Variants in ABCB4 observed in about 807,000 individuals in gnomAD.
ABCB4 encodes ATP binding cassette subfamily B member 4, also known as phosphatidylcholine translocator ABCB4.
ABCB4 carries 76 observed loss-of-function variants against 145.7 expected under a neutral mutation model. The observed-to-expected ratio is 0.52, with a 90% CI of 0.43 to 0.63. ABCB4 has a LOEUF of 0.63. Ranked by LOEUF, ABCB4 falls within the 30% of genes least tolerant of loss-of-function variation. ABCB4 has a pLI of 0.00. For missense variants in ABCB4, 1,234 were observed against 1,553.1 expected (o/e 0.79, Z 3.45); for synonymous variants, 517 against 566.8 (o/e 0.91, Z 1.25).
chr7:87,411,558 G>A (rs1246193793), intron 23 of ABCB4, among the ~76,000 whole-genome samples: 1 of 152,092 alleles, frequency 6.6e-6, no homozygotes, highest in African/African-American at 2.4e-5. Flanking sequence ...ACCCTGTTTT[G>A]AGTCCATGGT....
the ABCB4 span, chr7:87,369,686 G>A: frequency 4.1e-6 from 1 of 244,012 alleles, no homozygotes; most frequent in African/African-American, 2.3e-5. Context: ...ATGTTCACTT[G>A]GAGAAAAGGA....
the ABCB4 span, chr7:87,375,403 CTAAATTTATTTACTGAAA>C: frequency 4.5e-6 from 2 of 448,182 alleles, no homozygotes; most frequent in East Asian, 3.8e-5. Context: ...TAGCCAATAA[CTAAATTTATTTACTGAAA>C]TTAAATTATT....
rs182365784 is a variant in ABCB4, at chr7:87,475,324, G to A, written c.80+62C>T. On this transcript the variant is annotated intron_variant, in intron 2 of 27. Transcript: ENST00000649586. ...ACCGATTTTTACAACTTCTTTCCAA[G>A]GGTGAACTTAGTCCTGCTGATTGGC... 3.9e-5 allele frequency: 62 copies of A among 1,592,474 alleles called. No individual in the cohort carries two copies. The African/African-American group carries it at 7.8e-4, about 20-fold the overall frequency.
chr7:87,417,315 T>G lies in ABCB4; in HGVS notation c.2679A>C (p.Gly893=). 1 of 1,614,024 alleles carries G rather than the reference T, an allele frequency of 6.2e-7. No homozygotes were observed. Among genetic ancestry groups the G allele is most frequent in the Non-Finnish European group, 8.5e-7 (1 of 1,179,954 alleles). Residue 893 remains glycine (G), a synonymous_variant, in exon 21 of 28, where the codon GGA becomes GGC. Transcript: ENST00000649586. ...ATTGAAATCTTATTTGACCTACCTTTCCAGCAGCTTCCAGTTCTTTTTTAT... is the reference window on the plus strand; with the variant it reads ...ATTGAAATCTTATTTGACCTACCTTGCCAGCAGCTTCCAGTTCTTTTTTAT... ...KRDKKELEAA[G]KIATEAIENI... is the part of the protein sequence containing the mutation.
At chr7:87,368,361 G>T in the ABCB4 span, among the ~76,000 whole-genome samples, 1 of 152,092 alleles carries the variant, frequency 6.6e-6, no homozygotes, top group Non-Finnish European at 1.5e-5. Context: ...TTTGAAAGGG[G>T]TGTGGTCAGG....
At chr7:87,412,864 A>G (rs1387124615) in intron 22 of ABCB4, among the ~76,000 whole-genome samples, 1 of 152,204 alleles carries the variant, frequency 6.6e-6, no homozygotes, top group Non-Finnish European at 1.5e-5. Context: ...AATGGTGCAT[A>G]CATGTTTTAT....
At chr7:87,389,643 G>T in the ABCB4 span, among the ~76,000 whole-genome samples, 3 of 152,046 alleles carry the variant, frequency 2.0e-5, no homozygotes, top group African/African-American at 7.2e-5. Context: ...GCTAGGGGAG[G>T]GATAGCATTA....
At chr7:87,418,395 C>T in intron 20 of ABCB4, 142 bp downstream of exon 20, 1 of 798,048 alleles carries the variant, frequency 1.3e-6, no homozygotes, top group South Asian at 1.5e-5. Context: ...GAAGTTTAAT[C>T]TTCTGCTTAT....
rs775186230 is a variant in ABCB4 at position 87,426,883 on chromosome 7, A to T, written c.1931T>A (p.Leu644Gln). The part of the protein sequence containing the change: ...GSQIQSEEFE[L>Q]NDEKAATRMA... ...TCTAGTGGCAGCCTTTTCATCATTT[A>T]GTTCAAATTCTTCTGACTGGATCTG... Residue 644 changes from leucine to glutamine, a missense_variant, in exon 16 of 28, where the codon CTA becomes CAA. Leu to Gln is a moderately radical substitution (Grantham distance 113). Transcript: ENST00000649586. The T allele has an allele frequency of 1.2e-6, 2 of 1,613,706 alleles. No individual in the cohort carries two copies. The highest frequency in any genetic ancestry group is 2.2e-5 in the South Asian group (2 of 91,068).
At chr7:87,379,368 G>A in the ABCB4 span, among the ~76,000 whole-genome samples, 1 of 152,066 alleles carries the variant, frequency 6.6e-6, no homozygotes, top group Admixed American at 6.6e-5. Flanking sequence ...TCTCATTTGA[G>A]AGTTGTGTTT....
In ABCB4 at chr7:87,419,791, AAAAAACAAAAAC is replaced by A. The variant is rs1270814295; in HGVS notation, c.2394+195_2394+206del. ...CCCAAATAAAGCCTATTTCTATGAAAAAAAACAAAAACAAAAAAAAAACAAAAAAAACATGAG... is the reference window on the plus strand; with the variant it reads ...CCCAAATAAAGCCTATTTCTATGAAAAAAAAAAAAACAAAAAAAACATGAG... On this transcript the variant is annotated intron_variant, in intron 19 of 27. Coordinates refer to ENST00000649586, the MANE Select transcript of ABCB4 (RefSeq NM_000443.4). Among the ~76,000 whole-genome samples the A allele has an allele frequency of 1.9e-3, 139 of 72,134 alleles. 2 individuals are homozygous for A. Among genetic ancestry groups the A allele is most frequent in the Middle Eastern group, 0.015 (2 of 136 alleles). The allele number at this position is 72,134 out of a possible 152,430, so 47.3% of individuals were successfully genotyped here. A position where few individuals can be genotyped will look rare whatever the true frequency, so the allele number is the denominator to read the frequency against.
At chr7:87,405,803 C>T (rs1808144819) in intron 26 of ABCB4, 1 of 199,872 alleles carries the variant, frequency 5.0e-6, no homozygotes, top group Admixed American at 5.4e-5. Context: ...CAAATGAATG[C>T]AAGTAAAACA....
intron 16 of ABCB4, 132 bp from the exon 17 acceptor site, chr7:87,424,184 T>C: frequency 1.0e-6 from 1 of 1,004,132 alleles, no homozygotes; most frequent in Non-Finnish European, 1.6e-6. Context: ...AGCAAACTAC[T>C]AGAGAGTAGG....
the ABCB4 span, among the ~76,000 whole-genome samples, chr7:87,388,550 T>C: frequency 6.6e-6 from 1 of 152,170 alleles, no homozygotes; most frequent in African/African-American, 2.4e-5. Flanking sequence ...TAATAAACGA[T>C]GTTGGGAAAA....
chr7:87,394,315 T>C, the ABCB4 span, among the ~76,000 whole-genome samples: 1 of 152,192 alleles, frequency 6.6e-6, no homozygotes, highest in East Asian at 1.9e-4. Context: ...CAAAAAGTGA[T>C]CTTTCGTGGT....
chr7:87,382,116 A>C, the ABCB4 span: 1 of 1,613,606 alleles, frequency 6.2e-7, no homozygotes, highest in Non-Finnish European at 8.5e-7. Context: ...AGAAGAGCTC[A>C]TTTTCATTGT....
chr7:87,458,095 T>C lies in ABCB4; in HGVS notation c.287-3503A>G, dbSNP rs1812217474. Among the ~76,000 whole-genome samples, 5 of 152,328 alleles carry C rather than the reference T, an allele frequency of 3.3e-5. No individual in the cohort carries two copies. In the South Asian group the frequency reaches 1.0e-3, roughly 32 times the overall value. On this transcript the variant is annotated intron_variant, in intron 4 of 27. Coordinates refer to ENST00000649586, the MANE Select transcript of ABCB4 (RefSeq NM_000443.4). ...GGCACTATGGACAGTTATGAAGATATCTTGGGGGCTCAAAATGGCATTTTT... is the reference window on the plus strand; with the variant it reads ...GGCACTATGGACAGTTATGAAGATACCTTGGGGGCTCAAAATGGCATTTTT...
intron 15 of ABCB4, among the ~76,000 whole-genome samples, chr7:87,428,980 A>G (rs981713066): frequency 6.6e-6 from 1 of 152,260 alleles, no homozygotes; most frequent in Non-Finnish European, 1.5e-5. Flanking sequence ...ATTAAGATAC[A>G]TTTAAAAGAA....
chr7:87,458,606 T>A (rs1003424036), intron 4 of ABCB4, among the ~76,000 whole-genome samples: 2 of 152,196 alleles, frequency 1.3e-5, no homozygotes, highest in African/African-American at 4.8e-5. Context: ...TCTCAACACA[T>A]CAATAAGCAG....
Sources: gnomAD v4.1 joint callset for allele counts (sites outside exome capture counted in the v4.1 genomes callset) on GRCh38, gnomAD v4.1.1 for gene constraint, MANE v1.5 for transcripts, NCBI Gene and HGNC (gene_info 2026-07-23, HGNC 2026-07-21) for gene names.